PRELID2: variants seen among roughly 807,000 people sequenced by gnomAD.
PRELID2 encodes the protein PRELI domain containing 2, also known as PRELI domain-containing protein 2.
In PRELID2, 25 loss-of-function variants were observed where a neutral mutation model predicts 28.4. The ratio of observed to expected loss-of-function variants is 0.88; its 90% confidence interval spans 0.64 to 1.23. PRELID2 has a LOEUF of 1.23. PRELID2 is among the 50% of genes most tolerant of loss of function. The probability of loss-of-function intolerance (pLI) is 0.00; values close to 1 mark genes in which losing one functional copy is unlikely to be tolerated. For synonymous variants in PRELID2, 76 were observed against 71.6 expected (o/e 1.06, Z -0.31); for missense variants, 201 against 214.4 (o/e 0.94, Z 0.39).
intron 1 of PRELID2, among the ~76,000 whole-genome samples, chr5:145,570,033 C>A (rs1420499352): frequency 6.6e-6 from 1 of 152,144 alleles, no homozygotes; most frequent in Non-Finnish European, 1.5e-5. Context: ...TATCACATGC[C>A]TCTCTCCCAG....
At chr5:145,706,872 G>A (rs1365746683) in intron 1 of PRELID2, among the ~76,000 whole-genome samples, 1 of 152,144 alleles carries the variant, frequency 6.6e-6, no homozygotes, top group African/African-American at 2.4e-5. Flanking sequence ...TGGCAAAGCC[G>A]AGATTCAATC....
chr5:145,823,189 A>C (rs1754950103), intron 1 of PRELID2, 55 bp from the exon 2 acceptor site: 1 of 876,010 alleles, frequency 1.1e-6, no homozygotes, highest in African/African-American at 1.7e-5. Flanking sequence ...AAGGTGAACT[A>C]TTTAGAAGTA....
chr5:145,260,915 G>A, the PRELID2 span, among the ~76,000 whole-genome samples: 1 of 152,268 alleles, frequency 6.6e-6, no homozygotes. Context: ...GTAGCCTGGG[G>A]CAAGTTCTCA....
chr5:145,589,706 T>G (rs940326635), intron 1 of PRELID2, among the ~76,000 whole-genome samples: 1 of 152,172 alleles, frequency 6.6e-6, no homozygotes, highest in Non-Finnish European at 1.5e-5. Flanking sequence ...TGAAGACATT[T>G]TTCTAACTGT....
chr5:145,437,525 C>CT, the PRELID2 span, among the ~76,000 whole-genome samples: 43 of 152,252 alleles, frequency 2.8e-4, no homozygotes, highest in African/African-American at 9.9e-4. Flanking sequence ...TAACTCCTTT[C>CT]TGAAGTAGCC....
chr5:145,696,156 C>CGTTT (rs1755256795), intron 1 of PRELID2, among the ~76,000 whole-genome samples: 1 of 60,020 alleles, frequency 1.7e-5, no homozygotes, highest in African/African-American at 4.9e-5. Context: ...TAAATAATAG[C>CGTTT]TTTTTTTTTT....
chr5:145,340,035 G>A, the PRELID2 span, among the ~76,000 whole-genome samples: 1 of 152,166 alleles, frequency 6.6e-6, no homozygotes, highest in African/African-American at 2.4e-5. Context: ...TCACACCTGA[G>A]CATTCCACCA....
Position 145,818,038 on chromosome 5 carries a change from A to G in PRELID2, c.224T>C (p.Val75Ala), listed in dbSNP as rs778988196. Residue 75 changes from valine (V) to alanine (A), a missense_variant, in exon 4 of 7, where the codon GTA becomes GCA. Val to Ala is a moderately conservative substitution (Grantham distance 64). Coordinates refer to ENST00000683046, the MANE Select transcript of PRELID2 (RefSeq NM_205846.3). ...CTCCTCTTCTAATTGGATATTAGGT[A>G]CTTTCAAAATGCTCACCTGTCCAAC... ...EILRKVSILK[V>A]PNIQLEEESW... is the part of the protein sequence containing the mutation. The G allele has an allele frequency of 1.2e-6, 2 of 1,612,110 alleles. No homozygotes were observed. The highest frequency in any genetic ancestry group is 1.7e-6 in the Non-Finnish European group (2 of 1,179,102).
intron 1 of PRELID2, among the ~76,000 whole-genome samples, chr5:145,705,887 A>G (rs1026591649): frequency 5.3e-5 from 8 of 151,972 alleles, no homozygotes; most frequent in African/African-American, 1.7e-4. Flanking sequence ...TATGAAGTAT[A>G]AAATCCAATC....
At chr5:145,272,579 C>T in the PRELID2 span, among the ~76,000 whole-genome samples, 2 of 152,002 alleles carry the variant, frequency 1.3e-5, no homozygotes, top group South Asian at 2.1e-4. Flanking sequence ...CCCCATTCTA[C>T]CCTTATGAAA....
the PRELID2 span, among the ~76,000 whole-genome samples, chr5:145,327,934 C>T: frequency 5.0e-4 from 76 of 151,878 alleles, no homozygotes; most frequent in Non-Finnish European, 7.8e-4. Context: ...CCCTCCCCTA[C>T]TCCCCCCATC....
chr5:145,544,253 T>A, intron 1 of PRELID2, among the ~76,000 whole-genome samples: 1 of 151,840 alleles, frequency 6.6e-6, no homozygotes, highest in Non-Finnish European at 1.5e-5. Flanking sequence ...TATGGGAGAG[T>A]TGAATGCACC....
chr5:145,525,479 C>T (rs1401829635), intron 1 of PRELID2, among the ~76,000 whole-genome samples: 1 of 152,144 alleles, frequency 6.6e-6, no homozygotes, highest in Non-Finnish European at 1.5e-5. Context: ...GGTTGATTCA[C>T]CTCATCTCTT....
At chr5:145,384,258 A>G in the PRELID2 span, among the ~76,000 whole-genome samples, 1 of 152,180 alleles carries the variant, frequency 6.6e-6, no homozygotes, top group East Asian at 1.9e-4. Flanking sequence ...TCACATAGGC[A>G]TTTATCCAAG....
downstream of PRELID2, among the ~76,000 whole-genome samples, chr5:145,753,704 A>G (rs1757184517): frequency 6.6e-6 from 1 of 152,184 alleles, no homozygotes; most frequent in South Asian, 2.1e-4. Context: ...CAGGCCAGCA[A>G]CACTGACCAA....
At chr5:145,551,314 T>C (rs1358969929) in intron 1 of PRELID2, among the ~76,000 whole-genome samples, 1 of 151,886 alleles carries the variant, frequency 6.6e-6, no homozygotes, top group African/African-American at 2.4e-5. Context: ...GGCAGGAGAA[T>C]CGCTTGAACC....
At chr5:145,380,848 G>T in the PRELID2 span, among the ~76,000 whole-genome samples, 98 of 152,222 alleles carry the variant, frequency 6.4e-4, no homozygotes, top group African/African-American at 2.2e-3. Flanking sequence ...CCATAACAAA[G>T]GGTCTTGATA....
the PRELID2 span, among the ~76,000 whole-genome samples, chr5:145,273,608 G>T: frequency 6.6e-6 from 1 of 152,106 alleles, no homozygotes; most frequent in African/African-American, 2.4e-5. Context: ...GGATACATGT[G>T]TATGACTGAC....
the PRELID2 span, among the ~76,000 whole-genome samples, chr5:145,428,608 C>T: frequency 2.6e-5 from 4 of 152,102 alleles, no homozygotes; most frequent in Non-Finnish European, 5.9e-5. Context: ...GGGTGCAGCA[C>T]ACCAACATGG....
Sources: gnomAD v4.1 joint callset for allele counts (sites outside exome capture counted in the v4.1 genomes callset) on GRCh38, gnomAD v4.1.1 for gene constraint, MANE v1.5 for transcripts, NCBI Gene and HGNC (gene_info 2026-07-23, HGNC 2026-07-21) for gene names.